Variants in ANKMY2 observed in about 807,000 individuals in gnomAD.
ANKMY2 encodes the protein ankyrin repeat and MYND domain-containing protein 2.
A neutral mutation model predicts 50.4 loss-of-function variants in ANKMY2; 36 were observed. That is an observed-to-expected ratio of 0.71 (90% confidence interval 0.55 to 0.94). The LOEUF is 0.94. Among genes scored for constraint, ANKMY2 ranks in the 40% least tolerant of loss-of-function variants. ANKMY2 has a pLI of 0.00. For synonymous variants in ANKMY2, 187 were observed against 178.8 expected, an observed-to-expected ratio of 1.05 and a Z score of -0.36; for missense variants, 565 against 524.0, an observed-to-expected ratio of 1.08 and a Z score of -0.76.
intron 1 of ANKMY2, among the ~76,000 whole-genome samples, chr7:16,641,450 C>T (rs1228688847): frequency 1.3e-5 from 2 of 152,122 alleles, no homozygotes; most frequent in African/African-American, 4.8e-5. Context: ...CAATGAAGCC[C>T]ATATAGGTTG....
At chr7:16,609,522 T>C (rs1781211190) in intron 7 of ANKMY2, 108 bp downstream of exon 7, 2 of 1,249,200 alleles carry the variant, frequency 1.6e-6, no homozygotes, top group South Asian at 4.1e-5. Flanking sequence ...TTCCTAAAAA[T>C]ATTCTGAAAT....
chr7:16,617,916 T>A (rs1438250429), intron 4 of ANKMY2, among the ~76,000 whole-genome samples: 1 of 124,310 alleles, frequency 8.0e-6, no homozygotes, highest in Admixed American at 8.7e-5. Context: ...ACAGTGAGCG[T>A]GTTTTTTTTT....
chr7:16,623,175 A>T (rs2128344262), intron 4 of ANKMY2, among the ~76,000 whole-genome samples: 1 of 152,340 alleles, frequency 6.6e-6, no homozygotes, highest in South Asian at 2.1e-4. Flanking sequence ...ATGTATACAT[A>T]CTGATCCACT....
intron 4 of ANKMY2, among the ~76,000 whole-genome samples, chr7:16,617,386 G>A (rs1417297518): frequency 6.6e-6 from 1 of 152,132 alleles, no homozygotes; most frequent in East Asian, 1.9e-4. Flanking sequence ...GACCCTATCA[G>A]CTTTACCTGA....
chr7:16,641,900 G>C (rs1053226716), intron 1 of ANKMY2, among the ~76,000 whole-genome samples: 5 of 152,154 alleles, frequency 3.3e-5, no homozygotes, highest in Admixed American at 1.3e-4. Flanking sequence ...AGATGGGGGT[G>C]AAGTTAGTGA....
intron 8 of ANKMY2, chr7:16,603,451 G>T (rs1781103867): frequency 3.0e-6 from 1 of 335,726 alleles, no homozygotes; most frequent in Admixed American, 3.7e-5. Context: ...GGAAGTGAAT[G>T]ATATGTTCAA....
chr7:16,601,009 T>A, intron 9 of ANKMY2, 64 bp from the exon 10 acceptor site: 1 of 1,276,244 alleles, frequency 7.8e-7, no homozygotes, highest in African/African-American at 1.5e-5. Context: ...CTCAATGCTT[T>A]ACATGTATTA....
chr7:16,643,529 GTGC>G (rs1419926471), intron 1 of ANKMY2, among the ~76,000 whole-genome samples: 2 of 149,404 alleles, frequency 1.3e-5, no homozygotes, highest in African/African-American at 5.2e-5. Flanking sequence ...GAAAGCATCA[GTGC>G]ACTCATGCAA....
chr7:16,622,604 G>A (rs1781451767), intron 4 of ANKMY2, among the ~76,000 whole-genome samples: 1 of 152,042 alleles, frequency 6.6e-6, no homozygotes, highest in East Asian at 1.9e-4. Context: ...GCTAGGCGTG[G>A]TGGCGCACAC....
At chr7:16,617,199 CCA>C (rs1416312982) in intron 4 of ANKMY2, among the ~76,000 whole-genome samples, 13 of 152,068 alleles carry the variant, frequency 8.5e-5, no homozygotes, top group African/African-American at 2.9e-4. Context: ...CTAAATTTCC[CCA>C]CAGTTACCTG....
Position 16,645,714 on chromosome 7 carries a change from C to T in ANKMY2, c.-141G>A. 1 of 900,998 alleles carries T rather than the reference C, an allele frequency of 1.1e-6. No homozygotes were observed. The highest frequency in any genetic ancestry group is 2.0e-5 in the South Asian group (1 of 50,220). The allele number at this position is 900,998 out of a possible 1,614,324, so 55.8% of individuals were successfully genotyped here. A position where few individuals can be genotyped will look rare whatever the true frequency, so the allele number is the denominator to read the frequency against. On this transcript the variant is annotated 5_prime_UTR_variant, in exon 1 of 10. Transcript: ENST00000306999. ...AGCCAACCGCGGAAACGCTTCGCTT[C>T]TCTCCTCCCTCCCGCGGGCTGGCGG... is the stretch of plus-strand genomic sequence containing the variant.
At chr7:16,624,253 A>G (rs1396760206) in intron 4 of ANKMY2, among the ~76,000 whole-genome samples, 1 of 152,134 alleles carries the variant, frequency 6.6e-6, no homozygotes, top group Non-Finnish European at 1.5e-5. Flanking sequence ...AATAAATCAG[A>G]CGTTGCTCTT....
chr7:16,617,917 GTTTTTTTTTTTTT>G (rs780533044), intron 4 of ANKMY2, among the ~76,000 whole-genome samples: 6,220 of 111,170 alleles, frequency 0.056, 530 homozygotes, highest in African/African-American at 0.2. Flanking sequence ...CAGTGAGCGT[GTTTTTTTTTTTTT>G]TTTTTTTTTT....
chr7:16,606,805 T>C (rs929576669), intron 7 of ANKMY2, among the ~76,000 whole-genome samples: 1 of 152,200 alleles, frequency 6.6e-6, no homozygotes, highest in African/African-American at 2.4e-5. Context: ...ATTTTGAAAC[T>C]ACCATGTTCT....
intron 1 of ANKMY2, among the ~76,000 whole-genome samples, chr7:16,638,385 C>T (rs931492289): frequency 6.6e-6 from 1 of 152,174 alleles, no homozygotes; most frequent in Admixed American, 6.5e-5. Context: ...CTCAGGGAAA[C>T]ACTACTTACA....
chr7:16,628,072 C>T (rs963055594), intron 2 of ANKMY2, among the ~76,000 whole-genome samples: 1 of 152,186 alleles, frequency 6.6e-6, no homozygotes, highest in African/African-American at 2.4e-5. Context: ...AAACATCCAG[C>T]CTTTTATGTA....
chr7:16,627,781 T>C (rs1298653114), intron 2 of ANKMY2, among the ~76,000 whole-genome samples: 1 of 152,030 alleles, frequency 6.6e-6, no homozygotes, highest in African/African-American at 2.4e-5. Context: ...TTATATGTGA[T>C]TGTATAAATA....
intron 2 of ANKMY2, among the ~76,000 whole-genome samples, chr7:16,628,136 A>T (rs951469581): frequency 9.2e-5 from 14 of 152,196 alleles, no homozygotes; most frequent in Non-Finnish European, 1.6e-4. Context: ...GTGTGAGTGA[A>T]TTTTCTCAGT....
chr7:16,624,912 G>T, intron 4 of ANKMY2, 71 bp downstream of exon 4: 1 of 1,310,992 alleles, frequency 7.6e-7, no homozygotes, highest in Non-Finnish European at 1.1e-6. Context: ...ACCATGAGAA[G>T]CAAAGTGGGT....
Sources: allele counts gnomAD v4.1 joint callset (sites outside exome capture counted in the v4.1 genomes callset), GRCh38; gene constraint gnomAD v4.1.1; transcripts MANE v1.5; gene names NCBI Gene and HGNC (gene_info 2026-07-23, HGNC 2026-07-21).